Variants in GSK3B observed in about 807,000 individuals in gnomAD.
GSK3B encodes the protein glycogen synthase kinase 3 beta.
In GSK3B, 15 loss-of-function variants were observed where a neutral mutation model predicts 56.4. That is an observed-to-expected ratio of 0.27 (90% CI 0.18 to 0.41). The LOEUF (loss-of-function observed/expected upper bound fraction) is 0.41. Among genes scored for constraint, GSK3B ranks in the 10% least tolerant of loss-of-function variants. The probability of loss-of-function intolerance (pLI) is 1.00; values close to 1 mark genes in which losing one functional copy is unlikely to be tolerated. For synonymous variants in GSK3B, 181 were observed against 188.9 expected (o/e 0.96, Z 0.34); for missense variants, 300 against 513.4 (o/e 0.58, Z 4.02).
intron 7 of GSK3B, among the ~76,000 whole-genome samples, chr3:119,889,776 C>T (rs1213063963): frequency 6.6e-6 from 1 of 152,096 alleles, no homozygotes; most frequent in Non-Finnish European, 1.5e-5. Context: ...AATTAAAAAA[C>T]ACCTAACTAT....
intron 2 of GSK3B, among the ~76,000 whole-genome samples, chr3:119,956,025 C>T (rs923898610): frequency 1.3e-5 from 2 of 151,696 alleles, no homozygotes; most frequent in South Asian, 2.1e-4. Flanking sequence ...AAGGTGGCGG[C>T]GGATAAAACT....
chr3:119,970,359 C>T (rs1316885216), intron 2 of GSK3B, among the ~76,000 whole-genome samples: 1 of 152,074 alleles, frequency 6.6e-6, no homozygotes, highest in Non-Finnish European at 1.5e-5. Context: ...CACTATTAGT[C>T]ATTTTAAAAA....
At chr3:119,892,103 GTTTAT>G (rs749343825) in intron 7 of GSK3B, among the ~76,000 whole-genome samples, 12 of 152,096 alleles carry the variant, frequency 7.9e-5, no homozygotes, top group Non-Finnish European at 1.3e-4. Context: ...CCACAACGTT[GTTTAT>G]TTTATAGTTC....
intron 3 of GSK3B, among the ~76,000 whole-genome samples, chr3:119,936,567 C>T (rs1282676839): frequency 4.0e-5 from 6 of 151,404 alleles, no homozygotes; most frequent in Admixed American, 2.0e-4. Flanking sequence ...AGGCTGGTCT[C>T]GAACTCCTGA....
intron 1 of GSK3B, among the ~76,000 whole-genome samples, chr3:120,031,230 A>G (rs765368798): frequency 5.3e-5 from 8 of 152,276 alleles, no homozygotes; most frequent in Admixed American, 2.0e-4. Flanking sequence ...TTAGCTGAGT[A>G]AGAGGCAAAC....
intron 2 of GSK3B, among the ~76,000 whole-genome samples, chr3:119,969,973 T>C (rs2057351165): frequency 6.6e-6 from 1 of 152,196 alleles, no homozygotes; most frequent in Non-Finnish European, 1.5e-5. Context: ...ATACTGAACA[T>C]GTTACCTGCC....
intron 2 of GSK3B, among the ~76,000 whole-genome samples, chr3:119,983,945 C>T (rs1328223588): frequency 6.6e-6 from 1 of 152,176 alleles, no homozygotes; most frequent in Non-Finnish European, 1.5e-5. Flanking sequence ...CAACTGACCA[C>T]ATAATTGGAA....
At chr3:119,922,392 G>A (rs1243376564) in intron 4 of GSK3B, among the ~76,000 whole-genome samples, 1 of 147,280 alleles carries the variant, frequency 6.8e-6, no homozygotes, top group Non-Finnish European at 1.5e-5. Context: ...ATATAAATAT[G>A]TAATATACAC....
At chr3:120,000,898 T>C (rs2057669532) in intron 2 of GSK3B, among the ~76,000 whole-genome samples, 1 of 147,360 alleles carries the variant, frequency 6.8e-6, no homozygotes, top group Non-Finnish European at 1.5e-5. Context: ...TTTCCAAACC[T>C]CATGTTGAAA....
rs1400244667 is a variant in GSK3B at position 120,094,068 on chromosome 3, C to G, written c.-634G>C. 1.3e-5 allele frequency: 3 copies of G among 228,382 alleles called. No homozygotes were observed. The highest frequency in any genetic ancestry group is 2.6e-5 in the Non-Finnish European group (3 of 114,768). The allele number at this position is 228,382 out of a possible 1,614,324, so 14.1% of individuals were successfully genotyped here. A position where few individuals can be genotyped will look rare whatever the true frequency, so the allele number is the denominator to read the frequency against. ...GGTGGCGGTGGCGGCGGCTCCTCTC[C>G]TCATTGCGCCAGGAGCAGCTGCAGG... On this transcript the variant is annotated 5_prime_UTR_variant, in exon 1 of 11. Transcript: ENST00000264235.
chr3:119,870,878 T>C (rs1459865062), intron 8 of GSK3B, among the ~76,000 whole-genome samples: 1 of 152,118 alleles, frequency 6.6e-6, no homozygotes, highest in Non-Finnish European at 1.5e-5. Context: ...ATCCCCAACA[T>C]GGTTTTATGC....
At chr3:119,969,987 T>C (rs2057351268) in intron 2 of GSK3B, among the ~76,000 whole-genome samples, 1 of 152,192 alleles carries the variant, frequency 6.6e-6, no homozygotes, top group South Asian at 2.1e-4. Context: ...ACCTGCCCAT[T>C]CATCACATAG....
chr3:120,006,445 A>G (rs2057728720), intron 1 of GSK3B, among the ~76,000 whole-genome samples: 1 of 152,198 alleles, frequency 6.6e-6, no homozygotes, highest in South Asian at 2.1e-4. Flanking sequence ...CTGCACCCCA[A>G]ATAAACAGAA....
chr3:120,021,111 A>T (rs574039031), intron 1 of GSK3B, among the ~76,000 whole-genome samples: 1 of 152,334 alleles, frequency 6.6e-6, no homozygotes, highest in East Asian at 1.9e-4. Context: ...AAGGTAAAGC[A>T]GTAAGTGCTG....
At chr3:120,073,795 C>A (rs1230578043) in intron 1 of GSK3B, among the ~76,000 whole-genome samples, 1 of 152,110 alleles carries the variant, frequency 6.6e-6, no homozygotes, top group African/African-American at 2.4e-5. Context: ...TTTATAAATT[C>A]AATTTGCCTT....
intron 4 of GSK3B, among the ~76,000 whole-genome samples, chr3:119,922,680 T>C (rs777336015): frequency 1.3e-5 from 2 of 151,862 alleles, no homozygotes; most frequent in African/African-American, 2.4e-5. Flanking sequence ...AATGACATTT[T>C]ATTTTCTACA....
At chr3:119,882,701 A>G (rs2056393157) in intron 7 of GSK3B, among the ~76,000 whole-genome samples, 1 of 152,308 alleles carries the variant, frequency 6.6e-6, no homozygotes, top group East Asian at 1.9e-4. Flanking sequence ...AATGGGAAAT[A>G]ATCTGCTTTG....
chr3:119,856,187 T>G lies in GSK3B; in HGVS notation c.1096+7232A>C, dbSNP rs73854727. 7.6e-3 allele frequency among the ~76,000 whole-genome samples: 1,162 copies of G among 152,304 alleles called. 12 individuals are homozygous for G. Among genetic ancestry groups the G allele is most frequent in the African/African-American group, 0.026 (1,101 of 41,568 alleles). On this transcript the variant is annotated intron_variant, in intron 9 of 10. Coordinates refer to ENST00000264235, the MANE Select transcript of GSK3B (RefSeq NM_001146156.2). ...CCTTTAATCCAACAATCTCATTTAT[T>G]TATATGGGGAAACTCAGGTAGGGAT...
intron 1 of GSK3B, among the ~76,000 whole-genome samples, chr3:120,016,618 A>G (rs2057829994): frequency 6.6e-6 from 1 of 152,172 alleles, no homozygotes; most frequent in Non-Finnish European, 1.5e-5. Context: ...ATCTTACAAA[A>G]GGTGCTGAGG....
Sources: gnomAD v4.1 joint callset for allele counts (sites outside exome capture counted in the v4.1 genomes callset) on GRCh38, gnomAD v4.1.1 for gene constraint, MANE v1.5 for transcripts, NCBI Gene and HGNC (gene_info 2026-07-23, HGNC 2026-07-21) for gene names.